NAV3: variants seen among roughly 807,000 people sequenced by gnomAD.
NAV3 encodes the protein neuron navigator 3.
NAV3 carries 87 observed loss-of-function variants against 244.7 expected under a neutral mutation model. The observed-to-expected ratio is 0.36, with a 90% confidence interval of 0.30 to 0.42. The LOEUF is 0.42. NAV3 is among the 20% of genes least tolerant of loss of function. NAV3 has a pLI of 1.00. For synonymous variants in NAV3, 1,126 were observed against 1,042.2 expected, an observed-to-expected ratio of 1.08 and a Z score of -1.55; for missense variants, 2,663 against 2,893.3, an observed-to-expected ratio of 0.92 and a Z score of 1.83.
At chr12:77,816,641 C>T (rs1025518553) in intron 2 of NAV3, among the ~76,000 whole-genome samples, 71 of 152,144 alleles carry the variant, frequency 4.7e-4, no homozygotes, top group African/African-American at 1.5e-3. Flanking sequence ...CTCTATGCAG[C>T]TAATAGGCTT....
At chr12:77,915,069 T>C (rs1379457696) in intron 1 of NAV3, among the ~76,000 whole-genome samples, 2 of 152,034 alleles carry the variant, frequency 1.3e-5, no homozygotes, top group Non-Finnish European at 2.9e-5. Flanking sequence ...GTTAACAAAA[T>C]CTGAATGTCT....
chr12:77,700,086 G>A (rs1011855588), intron 2 of NAV3, among the ~76,000 whole-genome samples: 1 of 152,048 alleles, frequency 6.6e-6, no homozygotes, highest in African/African-American at 2.4e-5. Flanking sequence ...CTTGATTTCT[G>A]TGCTTCGATA....
intron 2 of NAV3, among the ~76,000 whole-genome samples, chr12:77,808,240 TGGA>T: frequency 6.6e-6 from 1 of 152,144 alleles, no homozygotes; most frequent in Non-Finnish European, 1.5e-5. Flanking sequence ...TGTGATCCTT[TGGA>T]GGAGAAGAAG....
intron 2 of NAV3, among the ~76,000 whole-genome samples, chr12:77,793,555 T>C (rs1186857635): frequency 6.6e-6 from 1 of 152,218 alleles, no homozygotes; most frequent in Non-Finnish European, 1.5e-5. Context: ...CTCCCACTTA[T>C]GAGTGAGATC....
At chr12:77,639,170 A>G (rs1872283869) in intron 2 of NAV3, among the ~76,000 whole-genome samples, 1 of 152,202 alleles carries the variant, frequency 6.6e-6, no homozygotes, top group African/African-American at 2.4e-5. Flanking sequence ...CAATAAATCT[A>G]GAATCTGTAA....
chr12:77,839,107 G>A (rs917544974), intron 1 of NAV3, among the ~76,000 whole-genome samples: 50 of 152,238 alleles, frequency 3.3e-4, no homozygotes, highest in African/African-American at 1.1e-3. Flanking sequence ...TATGAGCAGC[G>A]TAGGATATTT....
intron 24 of NAV3, among the ~76,000 whole-genome samples, chr12:78,174,336 A>G (rs1482959860): frequency 6.6e-6 from 1 of 151,894 alleles, no homozygotes; most frequent in East Asian, 1.9e-4. Context: ...TCTCTTCAAA[A>G]TATCTTAACT....
chr12:77,617,037 T>G (rs1172635713), intron 2 of NAV3, among the ~76,000 whole-genome samples: 1 of 152,214 alleles, frequency 6.6e-6, no homozygotes, highest in East Asian at 1.9e-4. Flanking sequence ...CTTGTGAGTT[T>G]CCCGAGCACA....
chr12:77,788,352 G>T (rs893820335), intron 2 of NAV3, among the ~76,000 whole-genome samples: 2 of 152,118 alleles, frequency 1.3e-5, no homozygotes, highest in African/African-American at 4.8e-5. Context: ...GGCAGTGTTC[G>T]CCTTAAGTCA....
At chr12:78,014,538 C>T (rs891512555) in intron 8 of NAV3, among the ~76,000 whole-genome samples, 4 of 152,032 alleles carry the variant, frequency 2.6e-5, no homozygotes, top group Admixed American at 6.6e-5. Context: ...TTTATACAAC[C>T]ACACCATGGA....
chr12:77,733,537 T>A (rs1877210205), intron 2 of NAV3, among the ~76,000 whole-genome samples: 1 of 151,998 alleles, frequency 6.6e-6, no homozygotes, highest in African/African-American at 2.4e-5. Context: ...TGCAACCATC[T>A]CAGAGAGATA....
At chr12:78,150,853 A>G (rs1957055965) in intron 22 of NAV3, among the ~76,000 whole-genome samples, 1 of 152,040 alleles carries the variant, frequency 6.6e-6, no homozygotes, top group Non-Finnish European at 1.5e-5. Flanking sequence ...ACTTTAGGGC[A>G]TGAATTCTCA....
At chr12:78,030,893 C>T (rs981276497) in intron 9 of NAV3, among the ~76,000 whole-genome samples, 3 of 152,132 alleles carry the variant, frequency 2.0e-5, no homozygotes, top group African/African-American at 7.2e-5. Flanking sequence ...TCTTAACTTA[C>T]TCTTTTCATT....
chr12:77,832,615 C>T (rs1308693615), intron 1 of NAV3, among the ~76,000 whole-genome samples: 1 of 152,132 alleles, frequency 6.6e-6, no homozygotes, highest in Non-Finnish European at 1.5e-5. Context: ...AAGCATTTAT[C>T]ATGTCTTTGT....
intron 2 of NAV3, among the ~76,000 whole-genome samples, chr12:77,763,968 G>T (rs1869618594): frequency 6.6e-6 from 1 of 152,206 alleles, no homozygotes; most frequent in African/African-American, 2.4e-5. Context: ...ATACTCCGAG[G>T]CCTGGGATCC....
At chr12:77,698,664 G>T (rs199658943) in intron 2 of NAV3, among the ~76,000 whole-genome samples, 1 of 152,134 alleles carries the variant, frequency 6.6e-6, no homozygotes, top group Non-Finnish European at 1.5e-5. Flanking sequence ...TGTAGAAAGT[G>T]AGACCATGGA....
intron 9 of NAV3, among the ~76,000 whole-genome samples, chr12:78,029,241 G>T (rs1194740412): frequency 2.0e-5 from 3 of 149,410 alleles, no homozygotes; most frequent in African/African-American, 2.5e-5. Flanking sequence ...GGATATCAAA[G>T]AAATTTTTAA....
At chr12:78,208,899 CAGAT>C (rs1217891154) in intron 39 of NAV3, among the ~76,000 whole-genome samples, 1 of 151,860 alleles carries the variant, frequency 6.6e-6, no homozygotes, top group East Asian at 1.9e-4. Flanking sequence ...TAATGAGTGA[CAGAT>C]AGATAAAAGA....
At chr12:77,691,335 GTGT>G (rs1875012497) in intron 2 of NAV3, among the ~76,000 whole-genome samples, 2 of 103,458 alleles carry the variant, frequency 1.9e-5, no homozygotes, top group African/African-American at 7.0e-5. Context: ...TTGTGTATGT[GTGT>G]ATATATATAT....
Sources: gnomAD v4.1 joint callset for allele counts (sites outside exome capture counted in the v4.1 genomes callset) on GRCh38, gnomAD v4.1.1 for gene constraint, MANE v1.5 for transcripts, NCBI Gene and HGNC (gene_info 2026-07-23, HGNC 2026-07-21) for gene names.